The following SPATA20 variants were observed in gnomAD, a reference collection of about 807,000 sequenced individuals.
SPATA20 encodes the protein spermatogenesis-associated protein 20.
Under a neutral mutation model 98.9 loss-of-function variants are expected in SPATA20, and 74 were observed. The observed-to-expected ratio is 0.75, with a 90% CI of 0.62 to 0.91. The LOEUF is 0.91. Ranked by LOEUF, SPATA20 falls within the 40% of genes least tolerant of loss-of-function variation. SPATA20 has a pLI of 0.00. For missense variants in SPATA20, 1,016 were observed against 1,069.8 expected (o/e 0.95, Z 0.70); for synonymous variants, 430 against 440.5 (o/e 0.98, Z 0.30).
intron 15 of SPATA20, 78 bp from the exon 16 acceptor site, chr17:50,555,153 AG>A (rs1161591149): frequency 8.9e-7 from 1 of 1,119,616 alleles, no homozygotes; most frequent in Non-Finnish European, 1.4e-6. Flanking sequence ...GGGCGGAAGG[AG>A]GATGGGGAAG....
chr17:50,549,020 C>T (rs747231561), intron 5 of SPATA20, 23 bp from the exon 6 acceptor site: 8 of 1,613,868 alleles, frequency 5.0e-6, no homozygotes, highest in African/African-American at 1.3e-5. Flanking sequence ...CAGCTCCCCT[C>T]ACCCTCGCCC....
At chr17:50,553,936 G>A (rs1308019377) in intron 14 of SPATA20, among the ~76,000 whole-genome samples, 1 of 152,196 alleles carries the variant, frequency 6.6e-6, no homozygotes, top group African/African-American at 2.4e-5. Flanking sequence ...GAGGGAGAGG[G>A]AGAGGAAGGG....
At position 50,548,796 on chromosome 17, in the gene SPATA20, A is replaced by C. The variant is rs766756423; in HGVS notation, c.362-14A>C. On this transcript the variant is annotated splice_polypyrimidine_tract_variant and intron_variant, in intron 4 of 16. Coordinates refer to ENST00000006658, the MANE Select transcript of SPATA20 (RefSeq NM_022827.4). The stretch of plus-strand genomic sequence containing the variant: ...GTTGCTGGCCCCCTGACCTCTCCCC[A>C]TGGCCCTGTTCAGTCGGGTACTCCA... 3.2e-5 allele frequency: 52 copies of C among 1,608,172 alleles called. No homozygotes were observed. In the South Asian group the frequency reaches 4.6e-4, roughly 14 times the overall value.
Position 50,550,216 on chromosome 17 carries a change from C to A in SPATA20, c.1002C>A (p.His334Gln). ...GCTTTGTATCCGCACAGGGCTTTCA[C>A]CGCTACTCCACAGACCGCCAGTGGC... ...GIRDHVGQGFHRYSTDRQWHV... is the reference protein window; with the variant it reads ...GIRDHVGQGFQRYSTDRQWHV... Residue 334 changes from histidine (H) to glutamine (Q), a missense_variant, in exon 9 of 17, where the codon CAC becomes CAA. By Grantham distance (24) the His-to-Gln change is conservative (BLOSUM62 0). Coordinates refer to ENST00000006658, the MANE Select transcript of SPATA20 (RefSeq NM_022827.4). 1 of 1,612,788 alleles carries A rather than the reference C, an allele frequency of 6.2e-7. No individual in the cohort carries two copies. Among genetic ancestry groups the A allele is most frequent in the Non-Finnish European group, 8.5e-7 (1 of 1,179,686 alleles).
chr17:50,553,077 A>G (rs111812743), intron 14 of SPATA20, among the ~76,000 whole-genome samples: 2,456 of 152,354 alleles, frequency 0.016, 29 homozygotes, highest in African/African-American at 0.034. Context: ...ACAAATGTGC[A>G]GTTAAAATTG....
Position 50,550,877 on chromosome 17 carries a change from A to G in SPATA20, c.1343A>G (p.His448Arg). 6.2e-7 allele frequency: 1 copy of G among 1,613,116 alleles called. No individual in the cohort carries two copies. The highest frequency in any genetic ancestry group is 8.5e-7 in the Non-Finnish European group (1 of 1,180,032). The change falls in exon 11 of 17, where the codon CAC (histidine) becomes CGC (arginine). Residue 448 changes from histidine (H) to arginine (R), a missense_variant. Physicochemically the swap from His to Arg is conservative, Grantham distance 29. Coordinates refer to ENST00000006658, the MANE Select transcript of SPATA20 (RefSeq NM_022827.4). ...PLTSGQLLMK[H>R]YGLTEAGNIS... is the part of the protein sequence containing the mutation. ...ACCTCAGGCCAGCTCCTCATGAAGC[A>G]CTACGGCCTCACAGAGGCTGGTAAC...
At position 50,549,221 on chromosome 17, in the gene SPATA20, G is replaced by C. The variant is rs200365010; in HGVS notation, c.660+35G>C. 2.3e-3 allele frequency: 3,685 copies of C among 1,595,526 alleles called. 10 individuals carry two copies. The highest frequency in any genetic ancestry group is 2.8e-3 in the Non-Finnish European group (3,300 of 1,167,456). On this transcript the variant is annotated intron_variant, in intron 6 of 16. Coordinates refer to ENST00000006658, the MANE Select transcript of SPATA20 (RefSeq NM_022827.4). ...CCTCCGGGAGTTGGGGGACCAGGGT[G>C]GGGGACTAGGAAACAAGAGCCCCTC...
Position 50,548,604 on chromosome 17 carries a change from C to A in SPATA20, c.347C>A (p.Pro116Gln). The A allele has an allele frequency of 6.2e-7, 1 of 1,613,304 alleles. No individual in the cohort carries two copies. The highest frequency in any genetic ancestry group is 8.5e-7 in the Non-Finnish European group (1 of 1,179,838). The change falls in exon 4 of 17, where the codon CCG becomes CAG. Residue 116 changes from proline to glutamine, a missense_variant. By Grantham distance (76) the Pro-to-Gln change is moderately conservative. Coordinates refer to ENST00000006658, the MANE Select transcript of SPATA20 (RefSeq NM_022827.4). ...GACAAGGCCAGGAAGGAAAACAAGC[C>A]GATTTTCCTCTCAGGTAATGCTCCC... ...AFDKARKENK[P>Q]IFLSVGYSTC...
chr17:50,554,885 CTGTGTGTGTGTGTGTGTGTGTGTGTG>C (rs3062812), intron 15 of SPATA20, among the ~76,000 whole-genome samples: 39 of 141,548 alleles, frequency 2.8e-4, no homozygotes, highest in African/African-American at 9.6e-4. Context: ...TGGGCATCTA[CTGTGTGTGTGTGTGTGTGTGTGTGTG>C]TGTGTGTGTG....
At position 50,551,107 on chromosome 17, in the gene SPATA20, A is replaced by G. The variant is rs753569886; in HGVS notation, c.1493A>G (p.Asn498Ser). The change falls in exon 12 of 17, where the codon AAT becomes AGT. Residue 498 changes from asparagine to serine, a missense_variant. Physicochemically the swap from Asn to Ser is conservative, Grantham distance 46. Transcript: ENST00000006658. ...LDVEAVRTLL[N>S]SGLEKLFQAR... ...GTGGAGGCCGTGCGGACCTTGCTCA[A>G]TTCAGGGCTGGAGAAGCTCTTCCAG... The G allele has an allele frequency of 1.8e-5, 29 of 1,612,582 alleles. No individual in the cohort carries two copies. The highest frequency in any genetic ancestry group is 2.4e-5 in the Non-Finnish European group (28 of 1,180,010).
chr17:50,554,306 G>T lies in SPATA20; in HGVS notation c.2013G>T (p.Arg671=). ...ANSVSAHNLL[R]LHGFTGHKDW... Reference sequence around the variant, plus strand: ...CCGTGTCAGCCCACAACCTGCTCCGGCTGCATGGCTTCACGGGCCACAAGG... The same window carrying T: ...CCGTGTCAGCCCACAACCTGCTCCGTCTGCATGGCTTCACGGGCCACAAGG... Residue 671 remains arginine (R), a synonymous_variant, in exon 15 of 17, where the codon CGG becomes CGT. Coordinates refer to ENST00000006658, the MANE Select transcript of SPATA20 (RefSeq NM_022827.4). 6.2e-7 allele frequency: 1 copy of T among 1,614,180 alleles called. No individual in the cohort carries two copies. The highest frequency in any genetic ancestry group is 8.5e-7 in the Non-Finnish European group (1 of 1,180,034).
chr17:50,555,370 C>T lies in SPATA20; in HGVS notation c.2238+58C>T, dbSNP rs2035099401. ...CCCCAGAGCTGCCCCCTCCCATCCTCAGCTCCTCAACATCTCCTTCCCCTC... is the reference window on the plus strand; with the variant it reads ...CCCCAGAGCTGCCCCCTCCCATCCTTAGCTCCTCAACATCTCCTTCCCCTC... On this transcript the variant is annotated intron_variant, in intron 16 of 16. Coordinates refer to ENST00000006658, the MANE Select transcript of SPATA20 (RefSeq NM_022827.4). 5.0e-6 allele frequency: 8 copies of T among 1,596,518 alleles called. No individual in the cohort carries two copies. The Admixed American group carries it at 1.0e-4, about 20-fold the overall frequency.
rs1262784803 is a variant in SPATA20, at chr17:50,555,621, A to G, written c.2368A>G (p.Ile790Val). Reference protein sequence around the residue: ...VCENQACSVPITDPCELRKLL... With the variant: ...VCENQACSVPVTDPCELRKLL... Reference sequence around the variant, plus strand: ...TGAGAATCAAGCCTGCTCAGTGCCCATCACTGATCCCTGCGAATTACGAAA... The same window carrying G: ...TGAGAATCAAGCCTGCTCAGTGCCCGTCACTGATCCCTGCGAATTACGAAA... Residue 790 changes from isoleucine (I) to valine (V), a missense_variant, in exon 17 of 17, where the codon ATC (isoleucine) becomes GTC (valine). Transcript: ENST00000006658. 1.2e-6 allele frequency: 2 copies of G among 1,613,882 alleles called. No homozygotes were observed. Among genetic ancestry groups the G allele is most frequent in the African/African-American group, 1.3e-5 (1 of 74,888 alleles).
At position 50,549,109 on chromosome 17, in the gene SPATA20, G is replaced by A. The variant is rs982866224; in HGVS notation, c.583G>A (p.Gly195Arg). ...WLTPNLQPFV[G>R]GTYFPPEDGL... ...GACTCCCAACCTCCAGCCCTTTGTC[G>A]GGGGCACCTATTTCCCTCCTGAGGA... Residue 195 changes from glycine to arginine, a missense_variant, in exon 6 of 17, where the codon GGG (glycine) becomes AGG (arginine). Physicochemically the swap from Gly to Arg is moderately radical, Grantham distance 125. Transcript: ENST00000006658. 8 of 1,613,114 alleles carry A rather than the reference G, an allele frequency of 5.0e-6. No homozygotes were observed. The highest frequency in any genetic ancestry group is 1.7e-4 in the Middle Eastern group (1 of 6,060).
chr17:50,551,734 C>T (rs548552035), intron 13 of SPATA20, 55 bp downstream of exon 13: 1 of 1,537,056 alleles, frequency 6.5e-7, no homozygotes, highest in East Asian at 2.3e-5. Flanking sequence ...CCCCAGCCTA[C>T]CTCTGCCCTA....
rs530758028 is a variant in SPATA20 at position 50,551,653 on chromosome 17, C to T, written c.1719C>T (p.Thr573=). 3.1e-5 allele frequency: 50 copies of T among 1,595,466 alleles called. 1 individual carries two copies. Among genetic ancestry groups the T allele is most frequent in the African/African-American group, 1.3e-4 (10 of 74,754 alleles). The change falls in exon 13 of 17, where the codon ACC becomes ACT. Residue 573 remains threonine, a synonymous_variant. Coordinates refer to ENST00000006658, the MANE Select transcript of SPATA20 (RefSeq NM_022827.4). ...GCCGCCTGATGCGGACCTGCTACAC[C>T]GGCCCTGGGGGGACTGTGGAGCACA... is the stretch of plus-strand genomic sequence containing the variant. ...ASGRLMRTCY[T]GPGGTVEHSN...
chr17:50,553,210 C>T (rs2035043377), intron 14 of SPATA20, among the ~76,000 whole-genome samples: 1 of 152,232 alleles, frequency 6.6e-6, no homozygotes, highest in South Asian at 2.1e-4. Flanking sequence ...AAGATCAGGA[C>T]TTTCTGCCAC....
At position 50,551,179 on chromosome 17, in the gene SPATA20, C is replaced by G. The variant is rs751528622; in HGVS notation, c.1565C>G (p.Ala522Gly). The G allele has an allele frequency of 6.2e-7, 1 of 1,609,086 alleles. No individual in the cohort carries two copies. The highest frequency in any genetic ancestry group is 8.5e-7 in the Non-Finnish European group (1 of 1,178,416). ...CCGCACCTGGACAGCAAGATGCTGG[C>G]TGCCTGGAATGGTGGGGCAGCACAC... ...PKPHLDSKML[A>G]AWNGLMVSGY... The change falls in exon 12 of 17, where the codon GCT becomes GGT. Residue 522 changes from alanine (A) to glycine (G), a missense_variant. Coordinates refer to ENST00000006658, the MANE Select transcript of SPATA20 (RefSeq NM_022827.4).
At chr17:50,548,226 GC>G (rs2034946573) in intron 2 of SPATA20, 56 bp from the exon 3 acceptor site, 1 of 1,585,104 alleles carries the variant, frequency 6.3e-7, no homozygotes, top group South Asian at 1.1e-5. Flanking sequence ...GTGCTGGGGG[GC>G]CTGGGAGAAG....
Sources: gnomAD v4.1 joint callset for allele counts (sites outside exome capture counted in the v4.1 genomes callset) on GRCh38, gnomAD v4.1.1 for gene constraint, MANE v1.5 for transcripts, NCBI Gene and HGNC (gene_info 2026-07-23, HGNC 2026-07-21) for gene names.